WDR7: variants seen among roughly 807,000 people sequenced by gnomAD.
WDR7 encodes WD repeat domain 7.
In WDR7, 46 loss-of-function variants were observed where a neutral mutation model predicts 169.4. The ratio of observed to expected loss-of-function variants is 0.27; its 90% CI spans 0.21 to 0.35. The LOEUF (loss-of-function observed/expected upper bound fraction) is 0.35. Ranked by LOEUF, WDR7 falls within the 10% of genes least tolerant of loss-of-function variation. The pLI is 1.00. For missense variants in WDR7, 1,534 were observed against 1,859.3 expected, an observed-to-expected ratio of 0.83 and a Z score of 3.22; for synonymous variants, 612 against 666.8, an observed-to-expected ratio of 0.92 and a Z score of 1.27.
intron 21 of WDR7, among the ~76,000 whole-genome samples, chr18:56,913,756 C>G (rs1056511541): frequency 2.8e-4 from 43 of 152,026 alleles, no homozygotes; most frequent in African/African-American, 9.7e-4. Context: ...GATCACACCA[C>G]TGCACTCCAG....
At chr18:56,754,487 T>C (rs1204907171) in intron 14 of WDR7, among the ~76,000 whole-genome samples, 1 of 151,774 alleles carries the variant, frequency 6.6e-6, no homozygotes, top group East Asian at 1.9e-4. Flanking sequence ...TATGTATATA[T>C]ACTTAAGCAT....
At chr18:57,021,942 T>G (rs1450359451) in intron 27 of WDR7, among the ~76,000 whole-genome samples, 1 of 152,226 alleles carries the variant, frequency 6.6e-6, no homozygotes, top group Non-Finnish European at 1.5e-5. Flanking sequence ...AACGTGCTAT[T>G]AAAGCATGAC....
At chr18:56,843,709 A>G (rs2045521249) in intron 20 of WDR7, among the ~76,000 whole-genome samples, 1 of 152,172 alleles carries the variant, frequency 6.6e-6, no homozygotes, top group South Asian at 2.1e-4. Flanking sequence ...GATTTGTTGT[A>G]ATACATGGTC....
intron 20 of WDR7, among the ~76,000 whole-genome samples, chr18:56,848,132 A>G (rs1043744313): frequency 9.9e-5 from 15 of 152,196 alleles, no homozygotes; most frequent in Non-Finnish European, 4.4e-5. Context: ...TTGCAAAACC[A>G]CTAGGATGGG....
At chr18:56,719,503 A>C (rs1231949147) in intron 13 of WDR7, among the ~76,000 whole-genome samples, 2 of 149,042 alleles carry the variant, frequency 1.3e-5, no homozygotes, top group East Asian at 4.0e-4. Context: ...CGGAGCTTGC[A>C]GTGAGCCAAG....
At chr18:56,748,460 C>T (rs74813527) in intron 14 of WDR7, among the ~76,000 whole-genome samples, 4,946 of 152,226 alleles carry the variant, frequency 0.032, 270 homozygotes, top group African/African-American at 0.11. Flanking sequence ...TCCAGTAAGA[C>T]ATGGTCTACA....
At chr18:57,002,978 G>C (rs888672510) in intron 26 of WDR7, among the ~76,000 whole-genome samples, 1 of 152,124 alleles carries the variant, frequency 6.6e-6, no homozygotes, top group South Asian at 2.1e-4. Context: ...CTAATAATCA[G>C]TGCAAAGATG....
At chr18:57,020,950 C>G in intron 27 of WDR7, 101 bp downstream of exon 27, 1 of 947,346 alleles carries the variant, frequency 1.1e-6, no homozygotes, top group Admixed American at 2.0e-5. Context: ...CCTTCCTGTC[C>G]TCCCTCCCTC....
At chr18:56,759,445 T>G (rs1421974066) in intron 16 of WDR7, among the ~76,000 whole-genome samples, 1 of 152,186 alleles carries the variant, frequency 6.6e-6, no homozygotes, top group Non-Finnish European at 1.5e-5. Flanking sequence ...TATAGCTTTG[T>G]TTTTCATTAG....
intron 26 of WDR7, among the ~76,000 whole-genome samples, chr18:56,990,429 C>A (rs1465294827): frequency 6.6e-6 from 1 of 152,166 alleles, no homozygotes; most frequent in East Asian, 1.9e-4. Context: ...TTTTAAACTT[C>A]TTTTTCACAA....
chr18:57,009,052 CA>C (rs2048103658), intron 26 of WDR7, among the ~76,000 whole-genome samples: 1 of 152,034 alleles, frequency 6.6e-6, no homozygotes, highest in Non-Finnish European at 1.5e-5. Context: ...AGAGGACTGA[CA>C]AGTAATGTCA....
intron 5 of WDR7, among the ~76,000 whole-genome samples, chr18:56,685,207 G>C (rs1015821037): frequency 1.3e-5 from 2 of 152,174 alleles, no homozygotes; most frequent in Admixed American, 1.3e-4. Flanking sequence ...TGTGCTGAAT[G>C]TTTTCCCTTG....
chr18:57,008,608 C>T (rs1214551320), intron 26 of WDR7, among the ~76,000 whole-genome samples: 1 of 152,232 alleles, frequency 6.6e-6, no homozygotes, highest in Non-Finnish European at 1.5e-5. Context: ...TTCTCACCAA[C>T]TTCTGGTGGT....
Position 56,716,026 on chromosome 18 carries a change from T to A in WDR7, c.1579-1938T>A, listed in dbSNP as rs921789968. On this transcript the variant is annotated intron_variant, in intron 12 of 27. Transcript: ENST00000254442. ...GCTTTGAATTAGCAACGTACATACG[T>A]AGCAGTGTGTGTGTGTGTGTGTGTG... Among the ~76,000 whole-genome samples the A allele has an allele frequency of 1.5e-4, 19 of 126,616 alleles. No homozygotes were observed. In the South Asian group the frequency reaches 5.1e-3, roughly 34 times the overall value. 83.1% of individuals were successfully genotyped at this position (126,616 alleles called of 152,430 possible).
intron 25 of WDR7, among the ~76,000 whole-genome samples, chr18:56,947,135 A>G (rs2047114033): frequency 6.6e-6 from 1 of 152,236 alleles, no homozygotes; most frequent in Admixed American, 6.5e-5. Flanking sequence ...ATGTTTTATC[A>G]CTGTAACAAA....
intron 14 of WDR7, 26 bp downstream of exon 14, chr18:56,731,623 A>G (rs772173333): frequency 6.2e-7 from 1 of 1,604,222 alleles, no homozygotes; most frequent in Non-Finnish European, 8.5e-7. Context: ...GGGCCCATGA[A>G]GTGTGTAGAC....
chr18:56,930,972 C>A (rs2046876212), intron 22 of WDR7, among the ~76,000 whole-genome samples: 1 of 152,164 alleles, frequency 6.6e-6, no homozygotes, highest in African/African-American at 2.4e-5. Flanking sequence ...AGCTTTAGAA[C>A]AGGATTAATG....
At chr18:56,704,168 T>A (rs908387865) in intron 12 of WDR7, among the ~76,000 whole-genome samples, 3 of 152,152 alleles carry the variant, frequency 2.0e-5, no homozygotes, top group African/African-American at 7.2e-5. Context: ...TAGTTGTACA[T>A]TCTGGTTGGT....
chr18:56,938,867 T>C (rs2046996792), intron 24 of WDR7, among the ~76,000 whole-genome samples, 185 bp downstream of exon 24: 1 of 151,328 alleles, frequency 6.6e-6, no homozygotes, highest in Non-Finnish European at 1.5e-5. Context: ...TAAAATTAAC[T>C]TTTGTGCCAT....
Sources: allele counts gnomAD v4.1 joint callset (sites outside exome capture counted in the v4.1 genomes callset), GRCh38; gene constraint gnomAD v4.1.1; transcripts MANE v1.5; gene names NCBI Gene and HGNC (gene_info 2026-07-23, HGNC 2026-07-21).